The following EPB41 variants were observed in gnomAD, a reference collection of about 807,000 sequenced individuals.
EPB41 encodes the protein erythrocyte membrane protein band 4.1, also known as protein 4.1.
Under a neutral mutation model 108.0 loss-of-function variants are expected in EPB41, and 65 were observed. The observed-to-expected ratio is 0.60, with a 90% CI of 0.49 to 0.74. EPB41 has a LOEUF of 0.74. Among genes scored for constraint, EPB41 ranks in the 30% least tolerant of loss-of-function variants. EPB41 has a pLI of 0.00. For missense variants in EPB41, 875 were observed against 1,037.0 expected, an observed-to-expected ratio of 0.84 and a Z score of 2.15; for synonymous variants, 336 against 358.9, an observed-to-expected ratio of 0.94 and a Z score of 0.72.
At chr1:29,105,068 C>CATTTAGGGTAGCTAGG (rs1001987118) in intron 17 of EPB41, among the ~76,000 whole-genome samples, 2 of 152,102 alleles carry the variant, frequency 1.3e-5, no homozygotes, top group African/African-American at 2.4e-5. Flanking sequence ...AACCAAGACA[C>CATTTAGGGTAGCTAGG]ATTTAGGATA....
chr1:29,110,946 C>G (rs558848497), intron 18 of EPB41, among the ~76,000 whole-genome samples: 6 of 152,274 alleles, frequency 3.9e-5, no homozygotes, highest in African/African-American at 1.4e-4. Flanking sequence ...GCGGGCGGAT[C>G]ACCTGAGATC....
At chr1:29,044,004 G>A (rs1642422163) in intron 11 of EPB41, among the ~76,000 whole-genome samples, 1 of 152,188 alleles carries the variant, frequency 6.6e-6, no homozygotes, top group South Asian at 2.1e-4. Context: ...TGGGAGAGTA[G>A]CAGAGTTGGG....
At chr1:28,902,646 G>A (rs1029155262) in intron 1 of EPB41, among the ~76,000 whole-genome samples, 10 of 152,180 alleles carry the variant, frequency 6.6e-5, no homozygotes, top group African/African-American at 1.9e-4. Flanking sequence ...GGGTCTCTAT[G>A]CCTGGCCTGG....
chr1:28,982,832 A>G (rs994440467), intron 1 of EPB41, among the ~76,000 whole-genome samples: 3 of 152,100 alleles, frequency 2.0e-5, no homozygotes, highest in Non-Finnish European at 4.4e-5. Flanking sequence ...TGCCTATTTT[A>G]TCATGTAAAG....
chr1:29,088,868 G>A (rs1434923627), intron 16 of EPB41, among the ~76,000 whole-genome samples: 1 of 152,150 alleles, frequency 6.6e-6, no homozygotes, highest in Non-Finnish European at 1.5e-5. Flanking sequence ...CTAGCTAATC[G>A]GGAGCCTCAG....
chr1:28,998,327 A>T (rs1019508128), intron 4 of EPB41, among the ~76,000 whole-genome samples: 7 of 152,144 alleles, frequency 4.6e-5, no homozygotes, highest in Admixed American at 3.3e-4. Context: ...TGAACATAGG[A>T]TATGAGGAAT....
At chr1:29,041,347 G>T (rs1380635002) in intron 11 of EPB41, 2 of 151,670 alleles carry the variant, frequency 1.3e-5, no homozygotes, top group African/African-American at 4.9e-5. Context: ...GGGCTTGGTG[G>T]CGCACGCCTG....
At chr1:28,971,705 T>C (rs935914504) in intron 1 of EPB41, among the ~76,000 whole-genome samples, 50 of 152,184 alleles carry the variant, frequency 3.3e-4, no homozygotes, top group African/African-American at 1.2e-3. Context: ...TCAGATATCT[T>C]TCTGAAAGAG....
intron 7 of EPB41, among the ~76,000 whole-genome samples, chr1:29,024,325 A>G (rs1055363473): frequency 6.8e-6 from 1 of 148,122 alleles, no homozygotes; most frequent in African/African-American, 2.5e-5. Flanking sequence ...ACAAAGTAAG[A>G]CTTCATCTAA....
intron 1 of EPB41, chr1:28,891,087 G>GC (rs1211255631): frequency 1.5e-6 from 1 of 681,942 alleles, no homozygotes; most frequent in Non-Finnish European, 1.8e-6. Context: ...CAGAGGGGCA[G>GC]CCCCACGCAG....
At chr1:29,048,508 G>A (rs187715667) in intron 11 of EPB41, among the ~76,000 whole-genome samples, 8 of 152,210 alleles carry the variant, frequency 5.3e-5, no homozygotes, top group African/African-American at 1.9e-4. Context: ...ACCGCGCCCG[G>A]CCTATTATTT....
intron 2 of EPB41, among the ~76,000 whole-genome samples, chr1:28,989,180 C>T (rs113012771): frequency 4.3e-4 from 65 of 152,300 alleles, no homozygotes; most frequent in African/African-American, 1.5e-3. Flanking sequence ...GTGTAAGATA[C>T]AGATGAGGAA....
At chr1:28,942,027 A>G (rs1167843020) in intron 1 of EPB41, among the ~76,000 whole-genome samples, 2 of 152,184 alleles carry the variant, frequency 1.3e-5, no homozygotes, top group Non-Finnish European at 2.9e-5. Flanking sequence ...AATCCTATTA[A>G]TGCTAATACT....
At chr1:29,102,454 T>C (rs919032125) in intron 17 of EPB41, among the ~76,000 whole-genome samples, 2 of 152,102 alleles carry the variant, frequency 1.3e-5, no homozygotes, top group Non-Finnish European at 2.9e-5. Context: ...CCAAAACGTA[T>C]AGTGGCCCCT....
chr1:28,942,985 T>C (rs2094352063), intron 1 of EPB41, among the ~76,000 whole-genome samples: 1 of 152,182 alleles, frequency 6.6e-6, no homozygotes, highest in South Asian at 2.1e-4. Context: ...TGGATTTCAT[T>C]CCTCCAGCTC....
intron 1 of EPB41, among the ~76,000 whole-genome samples, chr1:28,933,026 A>G (rs1283432665): frequency 6.6e-6 from 1 of 152,174 alleles, no homozygotes; most frequent in Non-Finnish European, 1.5e-5. Context: ...TATTGTGAAT[A>G]TATTTGAGTT....
Position 29,015,674 on chromosome 1 carries a change from TTG to T in EPB41, c.830-14_830-13del. 1 of 1,524,316 alleles carries T rather than the reference TTG, an allele frequency of 6.6e-7. No individual in the cohort carries two copies. Among genetic ancestry groups the T allele is most frequent in the African/African-American group, 1.4e-5 (1 of 73,178 alleles). The allele number at this position is 1,524,316 out of a possible 1,614,324, so 94.4% of individuals were successfully genotyped here. A position where few individuals can be genotyped will look rare whatever the true frequency, so the allele number is the denominator to read the frequency against. ...ACTTAGGTATAAACGTAAAATTCTT[TTG>T]TGTTTATTTTTATAGGTGTCCCTTG... is the stretch of plus-strand genomic sequence containing the variant. On this transcript the variant is annotated splice_polypyrimidine_tract_variant and intron_variant, in intron 5 of 20. Transcript: ENST00000343067.
chr1:28,928,353 T>A (rs2093566262), intron 1 of EPB41, among the ~76,000 whole-genome samples: 2 of 152,164 alleles, frequency 1.3e-5, no homozygotes, highest in Admixed American at 1.3e-4. Context: ...AGCCTGTGGT[T>A]ATATCTGATA....
intron 1 of EPB41, among the ~76,000 whole-genome samples, chr1:28,945,440 G>A (rs1259787166): frequency 6.6e-6 from 1 of 151,970 alleles, no homozygotes; most frequent in African/African-American, 2.4e-5. Context: ...ATAACTACTT[G>A]GTATCTGTAG....
Sources: allele counts gnomAD v4.1 joint callset (sites outside exome capture counted in the v4.1 genomes callset), GRCh38; gene constraint gnomAD v4.1.1; transcripts MANE v1.5; gene names NCBI Gene and HGNC (gene_info 2026-07-23, HGNC 2026-07-21).